Variants in DIP2B observed in about 807,000 individuals in gnomAD.
DIP2B encodes DIP2 acetate--CoA ligase B (putative).
In DIP2B, 76 loss-of-function variants were observed where a neutral mutation model predicts 198.0. That is an observed-to-expected ratio of 0.38 (90% CI 0.32 to 0.46). The LOEUF (loss-of-function observed/expected upper bound fraction) is 0.46. Ranked by LOEUF, DIP2B falls within the 20% of genes least tolerant of loss-of-function variation. DIP2B has a pLI of 0.99. For missense variants in DIP2B, 1,559 were observed against 1,978.4 expected (o/e 0.79, Z 4.02); for synonymous variants, 701 against 739.1 (o/e 0.95, Z 0.84).
chr12:50,670,753 G>A (rs1938838610), intron 4 of DIP2B, among the ~76,000 whole-genome samples: 1 of 152,046 alleles, frequency 6.6e-6, no homozygotes, highest in South Asian at 2.1e-4. Context: ...AAGTTTTTAT[G>A]TCTCCCTGTC....
At chr12:50,512,071 C>G (rs1046899988) in intron 1 of DIP2B, among the ~76,000 whole-genome samples, 9 of 150,998 alleles carry the variant, frequency 6.0e-5, no homozygotes, top group African/African-American at 2.2e-4. Flanking sequence ...TAGGTATGAG[C>G]CAGCCACCAA....
At chr12:50,677,157 C>G (rs1938959954) in intron 7 of DIP2B, among the ~76,000 whole-genome samples, 1 of 152,128 alleles carries the variant, frequency 6.6e-6, no homozygotes, top group South Asian at 2.1e-4. Context: ...CCTGATCATC[C>G]TTTAAGACTC....
intron 19 of DIP2B, among the ~76,000 whole-genome samples, chr12:50,699,662 A>G (rs1289274580): frequency 6.6e-6 from 1 of 152,084 alleles, no homozygotes; most frequent in East Asian, 1.9e-4. Flanking sequence ...CAATGTAGCA[A>G]TGTAGCAAGG....
intron 9 of DIP2B, among the ~76,000 whole-genome samples, chr12:50,681,445 A>AC (rs951045780): frequency 5.9e-5 from 9 of 151,830 alleles, no homozygotes; most frequent in African/African-American, 1.2e-4. Context: ...AACAACAACA[A>AC]AAAAAAAGCC....
chr12:50,587,580 T>C (rs1361203138), intron 1 of DIP2B, among the ~76,000 whole-genome samples: 1 of 152,196 alleles, frequency 6.6e-6, no homozygotes, highest in Non-Finnish European at 1.5e-5. Context: ...ATTGTGATAG[T>C]CCAGGAATTT....
intron 2 of DIP2B, among the ~76,000 whole-genome samples, chr12:50,637,339 G>T (rs1938178778): frequency 6.6e-6 from 1 of 152,202 alleles, no homozygotes; most frequent in Admixed American, 6.5e-5. Flanking sequence ...TTCTAGTCCA[G>T]TCTCATTTTG....
rs1392003167 is a variant in DIP2B, at chr12:50,697,182, T to A, written c.2048+7T>A. ...TGACTGTAGCAATCCGCAGGTACTG[T>A]TCAGGATGTCAGATGCTCTTGATGT... is the stretch of plus-strand genomic sequence containing the variant. On this transcript the variant is annotated splice_region_variant and intron_variant, in intron 17 of 37. Coordinates refer to ENST00000301180, the MANE Select transcript of DIP2B (RefSeq NM_173602.3). 6.2e-7 allele frequency: 1 copy of A among 1,612,880 alleles called. No individual in the cohort carries two copies. Among genetic ancestry groups the A allele is most frequent in the East Asian group, 2.2e-5 (1 of 44,872 alleles).
At chr12:50,625,372 T>G (rs1450540069) in intron 1 of DIP2B, among the ~76,000 whole-genome samples, 1 of 152,242 alleles carries the variant, frequency 6.6e-6, no homozygotes, top group Non-Finnish European at 1.5e-5. Flanking sequence ...CACTAATTTG[T>G]GCATCATACA....
At chr12:50,676,893 G>T (rs566131695) in intron 7 of DIP2B, among the ~76,000 whole-genome samples, 1 of 152,252 alleles carries the variant, frequency 6.6e-6, no homozygotes, top group Admixed American at 6.5e-5. Context: ...TAGCGTCTGG[G>T]AATGTACAAA....
chr12:50,626,527 A>T (rs1937938494), intron 2 of DIP2B, among the ~76,000 whole-genome samples: 1 of 152,218 alleles, frequency 6.6e-6, no homozygotes, highest in South Asian at 2.1e-4. Flanking sequence ...CATTGTTTAT[A>T]TATCAGAAAG....
At chr12:50,544,586 G>A (rs1159436097) in intron 1 of DIP2B, among the ~76,000 whole-genome samples, 1 of 151,444 alleles carries the variant, frequency 6.6e-6, no homozygotes, top group Non-Finnish European at 1.5e-5. Context: ...GATTACAGGC[G>A]TGAGCCACTG....
chr12:50,675,276 TA>T, intron 6 of DIP2B, 52 bp from the exon 7 acceptor site: 1 of 1,585,452 alleles, frequency 6.3e-7, no homozygotes, highest in Non-Finnish European at 8.6e-7. Context: ...ACTGAGGAAC[TA>T]AAATATCCTT....
At chr12:50,517,908 T>C (rs959057174) in intron 1 of DIP2B, among the ~76,000 whole-genome samples, 6 of 152,232 alleles carry the variant, frequency 3.9e-5, no homozygotes, top group African/African-American at 1.4e-4. Context: ...TTTCCTTTTC[T>C]AAGCTCTTTT....
chr12:50,692,924 T>C, intron 13 of DIP2B, 25 bp from the exon 14 acceptor site: 1 of 1,598,506 alleles, frequency 6.3e-7, no homozygotes, highest in Non-Finnish European at 8.5e-7. Flanking sequence ...ATGATTTCTT[T>C]GTCTTCCTAT....
At chr12:50,613,739 T>C (rs1477526452) in intron 1 of DIP2B, among the ~76,000 whole-genome samples, 1 of 152,298 alleles carries the variant, frequency 6.6e-6, no homozygotes, top group East Asian at 1.9e-4. Flanking sequence ...TCCCAGCCCA[T>C]GTTGAGAAGC....
intron 22 of DIP2B, among the ~76,000 whole-genome samples, chr12:50,712,385 CTT>C (rs1480285585): frequency 4.7e-5 from 7 of 149,848 alleles, no homozygotes; most frequent in East Asian, 4.0e-4. Flanking sequence ...AGGCAGATCA[CTT>C]GAGATCAGGA....
chr12:50,704,740 G>A lies in DIP2B; in HGVS notation c.2406+520G>A, dbSNP rs548588805. Among the ~76,000 whole-genome samples, 9 of 152,266 alleles carry A rather than the reference G, an allele frequency of 5.9e-5. No homozygotes were observed. The South Asian group carries it at 1.0e-3, about 18-fold the overall frequency. On this transcript the variant is annotated intron_variant, in intron 20 of 37. Transcript: ENST00000301180. ...AGCACTTTGGGAGGCCGAGGTGGGC[G>A]GATCACCTGAGGTCAGGAGTTCGAG...
chr12:50,647,061 G>A (rs574060039), intron 3 of DIP2B, among the ~76,000 whole-genome samples: 2 of 120,026 alleles, frequency 1.7e-5, no homozygotes, highest in African/African-American at 3.1e-5. Flanking sequence ...TGGGGGGAGG[G>A]GGGTGGGGGA....
At chr12:50,512,867 C>T (rs765109130) in intron 1 of DIP2B, among the ~76,000 whole-genome samples, 56 of 152,100 alleles carry the variant, frequency 3.7e-4, no homozygotes, top group Non-Finnish European at 6.6e-4. Context: ...ATTAGCCGGG[C>T]GTGGCGGCAT....
Sources: gnomAD v4.1 joint callset for allele counts (sites outside exome capture counted in the v4.1 genomes callset) on GRCh38, gnomAD v4.1.1 for gene constraint, MANE v1.5 for transcripts, NCBI Gene and HGNC (gene_info 2026-07-23, HGNC 2026-07-21) for gene names.